FMO5: variants seen among roughly 807,000 people sequenced by gnomAD.
FMO5 encodes the protein flavin-containing monooxygenase 5.
A neutral mutation model predicts 43.6 loss-of-function variants in FMO5; 51 were observed. The ratio of observed to expected loss-of-function variants is 1.17; its 90% confidence interval spans 0.93 to 1.48. The LOEUF is 1.48. Among genes scored for constraint, FMO5 ranks in the 40% most tolerant of loss-of-function variants. The pLI is 0.00. For synonymous variants in FMO5, 187 were observed against 216.5 expected, an observed-to-expected ratio of 0.86 and a Z score of 1.20; for missense variants, 644 against 643.0, an observed-to-expected ratio of 1.00 and a Z score of -0.02.
chr1:147,221,918 G>A (rs1178185942), intron 2 of FMO5, among the ~76,000 whole-genome samples: 2 of 152,236 alleles, frequency 1.3e-5, no homozygotes, highest in Non-Finnish European at 2.9e-5. Context: ...TGAGCACAGA[G>A]CAGTATTGGG....
chr1:147,219,641 T>C (rs1452641295), intron 2 of FMO5, among the ~76,000 whole-genome samples: 2 of 151,018 alleles, frequency 1.3e-5, no homozygotes, highest in Non-Finnish European at 2.9e-5. Flanking sequence ...AGTACAATAA[T>C]AGAAGAAAGA....
chr1:147,203,331 A>G (rs1659386067), intron 6 of FMO5: 3 of 1,581,770 alleles, frequency 1.9e-6, no homozygotes, highest in East Asian at 4.5e-5. Context: ...TGGGCCCACC[A>G]TCTGGTTTTG....
At chr1:147,224,704 G>T (rs1663697738) in intron 2 of FMO5, among the ~76,000 whole-genome samples, 191 bp downstream of exon 2, 1 of 151,920 alleles carries the variant, frequency 6.6e-6, no homozygotes, top group South Asian at 2.1e-4. Flanking sequence ...TAGAGACGAG[G>T]TTTCACCGTG....
At position 147,224,968 on chromosome 1, in the gene FMO5, C is replaced by T. The variant is rs1553927246; in HGVS notation, c.62G>A (p.Cys21Tyr). The T allele has an allele frequency of 1.9e-6, 3 of 1,614,070 alleles. No individual in the cohort carries two copies. The highest frequency in any genetic ancestry group is 3.3e-4 in the Middle Eastern group (2 of 6,062). ...GGVSGLSSIK[C>Y]CVEEGLEPVC... Reference sequence around the variant, plus strand: ...AGGTTCCAAGCCTTCTTCTACGCAGCACTTGATGGAAGAGAGCCCGCTCAC... The same window carrying T: ...AGGTTCCAAGCCTTCTTCTACGCAGTACTTGATGGAAGAGAGCCCGCTCAC... Residue 21 changes from cysteine to tyrosine, a missense_variant, in exon 2 of 9, where the codon TGC (cysteine) becomes TAC (tyrosine). Physicochemically the swap from Cys to Tyr is radical, Grantham distance 194 (BLOSUM62 -2). Transcript: ENST00000254090.
At chr1:147,184,624 G>T, downstream of FMO5, 1 of 1,541,556 alleles carries the variant, frequency 6.5e-7, no homozygotes, top group African/African-American at 1.4e-5. This position sits in a 1 kb window ranked among gnomAD's most constrained non-coding sequence, Gnocchi z 4.4. Context: ...TTTTTCTCAT[G>T]GTTAGACTGC....
intron 7 of FMO5, among the ~76,000 whole-genome samples, chr1:147,192,189 A>G (rs1409641493): frequency 7.2e-5 from 11 of 151,922 alleles, no homozygotes; most frequent in Non-Finnish European, 1.6e-4. Flanking sequence ...TATTTCATTG[A>G]GCAGTGGTTT....
chr1:147,222,157 G>T (rs1663135911), intron 2 of FMO5, among the ~76,000 whole-genome samples: 1 of 152,160 alleles, frequency 6.6e-6, no homozygotes, highest in Admixed American at 6.5e-5. Context: ...ATCACTTGAG[G>T]TGAGGAGTTC....
In FMO5 at chr1:147,204,833, G is replaced by A. The variant is rs1278399627; in HGVS notation, c.831-3329C>T. On this transcript the variant is annotated intron_variant, in intron 6 of 8. Coordinates refer to ENST00000254090, the MANE Select transcript of FMO5 (RefSeq NM_001461.4). ...GTTTGGGCAAGCTCCTTGCAAGCTT[G>A]TATGTTTCTATACACAGCCTCTTCT... is the stretch of plus-strand genomic sequence containing the variant. 4 of 1,602,912 alleles carry A rather than the reference G, an allele frequency of 2.5e-6. No homozygotes were observed. The South Asian group carries it at 4.4e-5, about 18-fold the overall frequency.
At chr1:147,207,170 A>G (rs1300036609) in intron 6 of FMO5, among the ~76,000 whole-genome samples, 1 of 152,178 alleles carries the variant, frequency 6.6e-6, no homozygotes, top group Non-Finnish European at 1.5e-5. Flanking sequence ...CTTATACAAT[A>G]TACACTGAAG....
intron 8 of FMO5, among the ~76,000 whole-genome samples, chr1:147,188,223 G>T (rs782606023): frequency 6.6e-6 from 1 of 152,076 alleles, no homozygotes; most frequent in Admixed American, 6.6e-5. Context: ...AGTAGGTCAA[G>T]ATCTATACTA....
chr1:147,196,085 C>T (rs587741201), intron 7 of FMO5, among the ~76,000 whole-genome samples: 1 of 152,276 alleles, frequency 6.6e-6, no homozygotes, highest in East Asian at 1.9e-4. Flanking sequence ...TTTAAGTCTT[C>T]TCATTATCAG....
chr1:147,201,071 C>A, intron 7 of FMO5, 81 bp downstream of exon 7: 1 of 963,006 alleles, frequency 1.0e-6, no homozygotes, highest in Non-Finnish European at 1.6e-6. Context: ...CATGCTATCT[C>A]TAGCTATTTA....
At chr1:147,193,965 G>GA (rs587638424) in intron 7 of FMO5, among the ~76,000 whole-genome samples, 5,603 of 152,080 alleles carry the variant, frequency 0.037, 156 homozygotes, top group South Asian at 0.095. Flanking sequence ...GTGTGGTGCT[G>GA]AAAAAAATGT....
At chr1:147,203,558 T>A in intron 6 of FMO5, 1 of 973,572 alleles carries the variant, frequency 1.0e-6, no homozygotes, top group East Asian at 2.4e-5. Context: ...ACTCCAGAGT[T>A]TTCTCCAGAG....
At chr1:147,211,185 G>T (rs1661014937) in intron 5 of FMO5, 1 of 152,138 alleles carries the variant, frequency 6.6e-6, no homozygotes, top group African/African-American at 2.4e-5. Context: ...GAAATGCTTT[G>T]TTATGTGGCA....
At chr1:147,184,522 A>T (rs1553916675), downstream of FMO5, 1 of 1,547,986 alleles carries the variant, frequency 6.5e-7, no homozygotes, top group African/African-American at 1.4e-5. The surrounding 1 kb of genome is among the most constrained non-coding windows in gnomAD (Gnocchi z 4.4). Context: ...TTATTCCGGG[A>T]CAATTTCTCA....
chr1:147,217,371 T>C (rs1932977), intron 2 of FMO5, among the ~76,000 whole-genome samples: 40,783 of 151,306 alleles, frequency 0.27, 5,507 homozygotes, highest in African/African-American at 0.3. Flanking sequence ...AAATGAGGAG[T>C]TTTCAAATTT....
At chr1:147,199,659 C>T (rs1553920496) in intron 7 of FMO5, among the ~76,000 whole-genome samples, 1 of 152,106 alleles carries the variant, frequency 6.6e-6, no homozygotes, top group African/African-American at 2.4e-5. Flanking sequence ...GTAATTGACC[C>T]AATTAAAAGA....
intron 3 of FMO5, chr1:147,215,513 T>G: frequency 2.2e-6 from 1 of 464,892 alleles, no homozygotes; most frequent in Non-Finnish European, 3.8e-6. Context: ...GAAATGAAGG[T>G]AATGAAAACA....
Sources: gnomAD v4.1 joint callset for allele counts (sites outside exome capture counted in the v4.1 genomes callset) on GRCh38, gnomAD v4.1.1 for gene constraint, Gnocchi (gnomAD v3.1) non-coding constraint, MANE v1.5 for transcripts, NCBI Gene and HGNC (gene_info 2026-07-23, HGNC 2026-07-21) for gene names.